UBR1: variants seen among roughly 807,000 people sequenced by gnomAD.
UBR1 encodes the protein ubiquitin protein ligase E3 component n-recognin 1, also known as E3 ubiquitin-protein ligase UBR1.
In UBR1, 102 loss-of-function variants were observed where a neutral mutation model predicts 242.1. That is an observed-to-expected ratio of 0.42 (90% CI 0.36 to 0.50). The LOEUF (loss-of-function observed/expected upper bound fraction) is 0.50, where lower values mean the gene tolerates loss of function less well. UBR1 is among the 20% of genes least tolerant of loss of function. UBR1 has a pLI of 0.01. For synonymous variants in UBR1, 675 were observed against 684.8 expected (o/e 0.99, Z 0.22); for missense variants, 1,772 against 2,101.8 (o/e 0.84, Z 3.07).
intron 22 of UBR1, 69 bp downstream of exon 22, chr15:43,027,706 CA>C (rs2033195699): frequency 7.0e-7 from 1 of 1,435,362 alleles, no homozygotes; most frequent in Admixed American, 1.7e-5. Flanking sequence ...AGAGCTTCTA[CA>C]AAGTATCCAA....
intron 5 of UBR1, among the ~76,000 whole-genome samples, chr15:43,069,544 G>A (rs1350084772): frequency 1.3e-5 from 2 of 152,186 alleles, no homozygotes; most frequent in African/African-American, 4.8e-5. Context: ...CAAAGTGCTG[G>A]GATTACAGGC....
intron 27 of UBR1, among the ~76,000 whole-genome samples, chr15:43,019,101 G>A (rs1440980788): frequency 6.6e-6 from 1 of 151,282 alleles, no homozygotes; most frequent in Non-Finnish European, 1.5e-5. Context: ...TCGCTTTGTC[G>A]CCCACGCTGG....
At chr15:43,080,254 CAT>C (rs922015109) in intron 3 of UBR1, among the ~76,000 whole-genome samples, 20 of 152,242 alleles carry the variant, frequency 1.3e-4, no homozygotes, top group African/African-American at 4.6e-4. Flanking sequence ...TATCATGAAA[CAT>C]TTTTTTAAAC....
chr15:43,031,317 A>G (rs1157718044), intron 20 of UBR1, among the ~76,000 whole-genome samples: 1 of 152,228 alleles, frequency 6.6e-6, no homozygotes, highest in African/African-American at 2.4e-5. Context: ...AGTAGGAAAA[A>G]TAAAACAGTA....
chr15:42,948,782 G>C (rs1272647352), intron 46 of UBR1, among the ~76,000 whole-genome samples: 3 of 151,904 alleles, frequency 2.0e-5, no homozygotes, highest in African/African-American at 7.2e-5. Context: ...TCAGGAAACA[G>C]GTGCTGGAGA....
intron 12 of UBR1, among the ~76,000 whole-genome samples, chr15:43,054,209 G>C (rs1243139673): frequency 1.3e-5 from 2 of 151,958 alleles, no homozygotes; most frequent in Admixed American, 6.6e-5. Flanking sequence ...AAATTTGCCA[G>C]GCATGGTGGC....
In UBR1 at chr15:43,047,335, C is replaced by T. The variant is rs2033498663; in HGVS notation, c.1540-46G>A. On this transcript the variant is annotated intron_variant, in intron 13 of 46. Transcript: ENST00000290650. ...ACATACACCTATCTGAGCCCTCTCTCTTTGCTCTGCTCTTGGCAAAATATA... is the reference window on the plus strand; with the variant it reads ...ACATACACCTATCTGAGCCCTCTCTTTTTGCTCTGCTCTTGGCAAAATATA... The T allele has an allele frequency of 2.5e-6, 4 of 1,613,476 alleles. No individual in the cohort carries two copies. In the African/African-American group the frequency reaches 5.3e-5, roughly 22 times the overall value.
At position 43,024,965 on chromosome 15, in the gene UBR1, G is replaced by A. The variant is rs758919702; in HGVS notation, c.2603C>T (p.Pro868Leu). ...NKDEALPPPP[P>L]PEFCPAFSKV... ...GCTGAAAGCAGGGCAGAATTCAGGA[G>A]GTGGTGGTGGCGGCAATGCTATAGG... Residue 868 changes from proline to leucine, a missense_variant, in exon 25 of 47, where the codon CCT becomes CTT. By Grantham distance (98) the Pro-to-Leu change is moderately conservative. Transcript: ENST00000290650. 2.4e-5 allele frequency: 39 copies of A among 1,614,066 alleles called. No homozygotes were observed. The highest frequency in any genetic ancestry group is 2.9e-5 in the Non-Finnish European group (34 of 1,180,020).
intron 12 of UBR1, among the ~76,000 whole-genome samples, chr15:43,052,866 G>T (rs1415251128): frequency 6.6e-6 from 1 of 152,134 alleles, no homozygotes; most frequent in African/African-American, 2.4e-5. Flanking sequence ...CATAGTGAAA[G>T]GAACATGAGT....
intron 29 of UBR1, among the ~76,000 whole-genome samples, chr15:43,010,388 G>T (rs2032904481): frequency 6.6e-6 from 1 of 150,650 alleles, no homozygotes; most frequent in Non-Finnish European, 1.5e-5. Context: ...TTGTATATAA[G>T]AACATACATA....
intron 29 of UBR1, among the ~76,000 whole-genome samples, chr15:43,013,208 A>C (rs1037533860): frequency 2.0e-5 from 3 of 152,194 alleles, no homozygotes; most frequent in African/African-American, 7.2e-5. Context: ...CACAGCCCTC[A>C]ACACATATTG....
At chr15:42,975,640 C>T (rs1362831308) in intron 39 of UBR1, among the ~76,000 whole-genome samples, 2 of 152,060 alleles carry the variant, frequency 1.3e-5, no homozygotes, top group African/African-American at 4.8e-5. Context: ...TATGAATCTT[C>T]AGAAGCCCTT....
intron 1 of UBR1, among the ~76,000 whole-genome samples, chr15:43,103,856 G>A (rs1245329620): frequency 6.6e-6 from 1 of 152,164 alleles, no homozygotes; most frequent in Admixed American, 6.5e-5. Context: ...TAACAGCAAA[G>A]TAGTAAACTT....
chr15:42,961,353 T>A (rs1312563193), intron 42 of UBR1, among the ~76,000 whole-genome samples: 1 of 151,830 alleles, frequency 6.6e-6, no homozygotes, highest in Non-Finnish European at 1.5e-5. Context: ...CCTCAGGTGA[T>A]CAGCCTGCCT....
At chr15:43,017,072 A>T in intron 28 of UBR1, 23 bp downstream of exon 28, 2 of 1,573,324 alleles carry the variant, frequency 1.3e-6, no homozygotes, top group Non-Finnish European at 1.7e-6. Flanking sequence ...CACCATTACT[A>T]CAGTGTTATT....
intron 4 of UBR1, 106 bp downstream of exon 4, chr15:43,074,872 TA>T: frequency 3.1e-6 from 3 of 957,038 alleles, no homozygotes; most frequent in Non-Finnish European, 5.0e-6. Context: ...AATATGAGAA[TA>T]AAAACAGCAG....
At chr15:43,019,729 C>A (rs1487765933) in intron 27 of UBR1, among the ~76,000 whole-genome samples, 12 of 147,270 alleles carry the variant, frequency 8.1e-5, no homozygotes, top group Admixed American at 2.0e-4. Flanking sequence ...ATTACAGGCG[C>A]CTGCCACCAC....
chr15:43,017,213 T>G (rs751598699), intron 27 of UBR1, 32 bp from the exon 28 acceptor site: 2 of 1,515,858 alleles, frequency 1.3e-6, no homozygotes, highest in South Asian at 1.1e-5. Flanking sequence ...TTAAAAGAGT[T>G]AGTTAGACTG....
At chr15:42,984,564 G>A (rs1430856650) in intron 36 of UBR1, among the ~76,000 whole-genome samples, 2 of 152,126 alleles carry the variant, frequency 1.3e-5, no homozygotes, top group Non-Finnish European at 2.9e-5. Context: ...AATACTCAAT[G>A]TTATATAATG....
Sources: gnomAD v4.1 joint callset for allele counts (sites outside exome capture counted in the v4.1 genomes callset) on GRCh38, gnomAD v4.1.1 for gene constraint, MANE v1.5 for transcripts, NCBI Gene and HGNC (gene_info 2026-07-23, HGNC 2026-07-21) for gene names.